NCOA1: variants seen among roughly 807,000 people sequenced by gnomAD.
The protein encoded by NCOA1 is nuclear receptor coactivator 1, also known as Hin-2 protein.
A neutral mutation model predicts 150.9 loss-of-function variants in NCOA1; 35 were observed. The ratio of observed to expected loss-of-function variants is 0.23; its 90% CI spans 0.18 to 0.31. NCOA1 has a LOEUF of 0.31. NCOA1 is among the 10% of genes least tolerant of loss of function. NCOA1 has a pLI of 1.00. For missense variants in NCOA1, 1,491 were observed against 1,749.3 expected (o/e 0.85, Z 2.63); for synonymous variants, 590 against 630.0 (o/e 0.94, Z 0.95).
At position 24,576,149 on chromosome 2, in the gene NCOA1, G is replaced by GTTTTTTTTTTTTTTTTTTTTTTT. The variant is rs1183405187; in HGVS notation, c.-259-8314_-259-8313insTTTTTTTTTTTTTTTTTTTTTTT. ...GAGTTTCAGAAATTATTTGGCCTTT[G>GTTTTTTTTTTTTTTTTTTTTTTT]TTTTTTTTTTTTTGTTTTTTGTTTT... On this transcript the variant is annotated intron_variant, in intron 2 of 22. Transcript: ENST00000348332. Among the ~76,000 whole-genome samples the GTTTTTTTTTTTTTTTTTTTTTTT allele has an allele frequency of 3.8e-4, 36 of 94,004 alleles. 2 individuals carry two copies. Among genetic ancestry groups the GTTTTTTTTTTTTTTTTTTTTTTT allele is most frequent in the Middle Eastern group, 6.7e-3 (1 of 150 alleles). The allele number at this position is 94,004 out of a possible 152,430, so 61.7% of individuals were successfully genotyped here.
At chr2:24,540,697 G>A (rs1485158166) in intron 1 of NCOA1, among the ~76,000 whole-genome samples, 1 of 152,084 alleles carries the variant, frequency 6.6e-6, no homozygotes, top group African/African-American at 2.4e-5. Flanking sequence ...GACCTCAAGT[G>A]ATCCGCCTGC....
chr2:24,749,362 G>C (rs1664103272), intron 19 of NCOA1, among the ~76,000 whole-genome samples: 1 of 152,230 alleles, frequency 6.6e-6, no homozygotes, highest in South Asian at 2.1e-4. Context: ...ACTACACAGA[G>C]AATTGTAGGA....
chr2:24,528,478 C>T (rs913181050), intron 1 of NCOA1, among the ~76,000 whole-genome samples: 2 of 151,626 alleles, frequency 1.3e-5, no homozygotes, highest in Non-Finnish European at 1.5e-5. Context: ...TCCCAAGTAG[C>T]TGGGACCACA....
Position 24,706,939 on chromosome 2 carries a change from G to A in NCOA1, c.1469G>A (p.Arg490Lys). Residue 490 changes from arginine (R) to lysine (K), a missense_variant, in exon 13 of 23, where the codon AGG becomes AAG. By Grantham distance (26) the Arg-to-Lys change is conservative. Transcript: ENST00000348332. ...GISLAQFMSP[R>K]RQVTSGLATR... The stretch of plus-strand genomic sequence containing the variant: ...TCCCTAGCACAGTTCATGTCTCCAA[G>A]GAGACAGGTTACTTCTGGATTGGCA... The A allele has an allele frequency of 6.2e-7, 1 of 1,614,164 alleles. No individual in the cohort carries two copies. Among genetic ancestry groups the A allele is most frequent in the East Asian group, 2.2e-5 (1 of 44,888 alleles).
At chr2:24,706,514 A>G (rs1673440103) in intron 12 of NCOA1, 54 bp from the exon 13 acceptor site, 2 of 1,504,080 alleles carry the variant, frequency 1.3e-6, no homozygotes, top group Non-Finnish European at 1.8e-6. Context: ...TCATAAAAAT[A>G]TTTTAATAGA....
chr2:24,523,734 T>C (rs1365918079), intron 1 of NCOA1, among the ~76,000 whole-genome samples: 1 of 149,866 alleles, frequency 6.7e-6, no homozygotes, highest in Non-Finnish European at 1.5e-5. Flanking sequence ...GAGACCATCC[T>C]GGCCAACATG....
intron 17 of NCOA1, among the ~76,000 whole-genome samples, chr2:24,739,152 G>A (rs1663476755): frequency 6.6e-6 from 1 of 151,928 alleles, no homozygotes; most frequent in Non-Finnish European, 1.5e-5. Context: ...TGTTTTGTTT[G>A]TTTGTTTGTT....
intron 10 of NCOA1, among the ~76,000 whole-genome samples, chr2:24,696,987 G>T (rs867366379): frequency 6.6e-6 from 1 of 151,992 alleles, no homozygotes; most frequent in Non-Finnish European, 1.5e-5. Context: ...TTGGCCCTCT[G>T]TTAACTGAGG....
chr2:24,680,117 G>T (rs1408982349), intron 7 of NCOA1, among the ~76,000 whole-genome samples: 2 of 152,260 alleles, frequency 1.3e-5, no homozygotes, highest in East Asian at 3.9e-4. Flanking sequence ...GTGAACATGG[G>T]AGTGCAGACA....
chr2:24,608,456 A>G (rs895612686), intron 3 of NCOA1, among the ~76,000 whole-genome samples: 2 of 151,114 alleles, frequency 1.3e-5, no homozygotes, highest in African/African-American at 4.8e-5. Flanking sequence ...TTTAGTAGAG[A>G]TGGGGTTTCA....
chr2:24,765,755 A>C (rs370746968), intron 22 of NCOA1, among the ~76,000 whole-genome samples: 26 of 152,306 alleles, frequency 1.7e-4, no homozygotes, highest in East Asian at 1.5e-3. Flanking sequence ...CTTTTGTGTC[A>C]CACTTTGCCT....
intron 8 of NCOA1, among the ~76,000 whole-genome samples, chr2:24,687,049 A>G (rs540812937): frequency 2.0e-5 from 3 of 152,106 alleles, no homozygotes; most frequent in African/African-American, 7.2e-5. Context: ...TCATCACTGT[A>G]TGCTCTTCTC....
chr2:24,567,980 G>A (rs547351065), intron 2 of NCOA1, among the ~76,000 whole-genome samples: 10 of 152,246 alleles, frequency 6.6e-5, no homozygotes, highest in Admixed American at 3.9e-4. Flanking sequence ...CTGACCTCAA[G>A]TGATCTGCCC....
intron 3 of NCOA1, among the ~76,000 whole-genome samples, chr2:24,629,373 C>T (rs1326336032): frequency 6.6e-6 from 1 of 151,464 alleles, no homozygotes; most frequent in Non-Finnish European, 1.5e-5. Flanking sequence ...CTTGTAAACA[C>T]ACAGTTTATA....
In NCOA1 at chr2:24,758,150, T is replaced by G; in HGVS notation, c.4059T>G (p.Pro1353=). Residue 1353 remains proline (P), a synonymous_variant, in exon 21 of 23, where the codon CCT becomes CCG. Transcript: ENST00000348332. Reference sequence around the variant, plus strand: ...TGCCAGGAATGAACACTGTGTGCCCTGAGCAGGTAAGTGGCACACTCGCCA... The same window carrying G: ...TGCCAGGAATGAACACTGTGTGCCCGGAGCAGGTAAGTGGCACACTCGCCA... The part of the protein sequence containing the change: ...LQMPGMNTVC[P]EQINDPALRH... 1 of 1,609,204 alleles carries G rather than the reference T, an allele frequency of 6.2e-7. No homozygotes were observed. Among genetic ancestry groups the G allele is most frequent in the Non-Finnish European group, 8.5e-7 (1 of 1,176,320 alleles).
chr2:24,766,887 G>A (rs1665092788), intron 22 of NCOA1, among the ~76,000 whole-genome samples: 1 of 152,094 alleles, frequency 6.6e-6, no homozygotes, highest in Admixed American at 6.6e-5. Flanking sequence ...GCCCAGAGGA[G>A]GCAGTAACAA....
At chr2:24,592,133 G>C (rs757333941) in intron 3 of NCOA1, among the ~76,000 whole-genome samples, 1 of 152,126 alleles carries the variant, frequency 6.6e-6, no homozygotes, top group Non-Finnish European at 1.5e-5. Flanking sequence ...CGTCGCTAAG[G>C]GGTTTGAAAA....
chr2:24,737,128 C>T (rs1663352677), intron 17 of NCOA1, among the ~76,000 whole-genome samples: 1 of 152,226 alleles, frequency 6.6e-6, no homozygotes, highest in Non-Finnish European at 1.5e-5. Flanking sequence ...CACTCCCCAC[C>T]TCTCTGAAAG....
In NCOA1 at chr2:24,769,782, G is replaced by A. The variant is rs1230277158; in HGVS notation, c.*1391G>A. ...CTGACTTTCTAGTTCTAGAAGTTCC[G>A]CTGCAAGGCCAGGAAAGCTTGAGAA... On this transcript the variant is annotated 3_prime_UTR_variant, in exon 23 of 23. Coordinates refer to ENST00000348332, the MANE Select transcript of NCOA1 (RefSeq NM_003743.5). 2.3e-5 allele frequency: 5 copies of A among 222,130 alleles called. No homozygotes were observed. The highest frequency in any genetic ancestry group is 9.0e-5 in the African/African-American group (4 of 44,662). 13.8% of individuals were successfully genotyped at this position (222,130 alleles called of 1,614,324 possible).
Sources: gnomAD v4.1 joint callset for allele counts (sites outside exome capture counted in the v4.1 genomes callset) on GRCh38, gnomAD v4.1.1 for gene constraint, MANE v1.5 for transcripts, NCBI Gene and HGNC (gene_info 2026-07-23, HGNC 2026-07-21) for gene names.